The following RCAN1 variants were observed in gnomAD, a reference collection of about 807,000 sequenced individuals.
RCAN1 encodes the protein calcipressin-1.
In RCAN1, 11 loss-of-function variants were observed where a neutral mutation model predicts 22.9. The observed-to-expected ratio is 0.48, with a 90% CI of 0.30 to 0.79. The LOEUF (loss-of-function observed/expected upper bound fraction) is 0.79, where lower values mean the gene tolerates loss of function less well. Ranked by LOEUF, RCAN1 falls within the 30% of genes least tolerant of loss-of-function variation. The pLI, the probability that RCAN1 is intolerant of heterozygous loss-of-function variation, is 0.06. For synonymous variants in RCAN1, 136 were observed against 142.3 expected, an observed-to-expected ratio of 0.96 and a Z score of 0.32; for missense variants, 291 against 337.8, an observed-to-expected ratio of 0.86 and a Z score of 1.09.
chr21:34,537,718 G>A (rs552434467), intron 1 of RCAN1, among the ~76,000 whole-genome samples: 12 of 152,354 alleles, frequency 7.9e-5, no homozygotes, highest in East Asian at 1.9e-4. Context: ...GGTGCCAGGC[G>A]TACAGGCAGA....
At chr21:34,573,175 T>C (rs1018854368) in intron 1 of RCAN1, among the ~76,000 whole-genome samples, 1 of 152,172 alleles carries the variant, frequency 6.6e-6, no homozygotes, top group Non-Finnish European at 1.5e-5. Context: ...ACTGACTTGA[T>C]GTAAATGGAT....
intron 1 of RCAN1, among the ~76,000 whole-genome samples, chr21:34,555,893 C>A (rs563876268): frequency 6.6e-6 from 1 of 151,360 alleles, no homozygotes; most frequent in South Asian, 2.1e-4. Flanking sequence ...GAAACCCTGT[C>A]TCTACGAAAA....
At chr21:34,550,537 T>C (rs2284582) in intron 1 of RCAN1, among the ~76,000 whole-genome samples, 1 of 151,780 alleles carries the variant, frequency 6.6e-6, no homozygotes, top group Non-Finnish European at 1.5e-5. Context: ...GACACAGAGA[T>C]AGCATGTCAT....
chr21:34,563,794 TAGAGAGAG>T (rs60116779), intron 1 of RCAN1, among the ~76,000 whole-genome samples: 85 of 48,720 alleles, frequency 1.7e-3, no homozygotes, highest in African/African-American at 4.3e-3. Flanking sequence ...TATATATATA[TAGAGAGAG>T]AGAGAGAGAG....
chr21:34,526,276 A>G (rs2298345), intron 1 of RCAN1, among the ~76,000 whole-genome samples: 7,313 of 152,294 alleles, frequency 0.048, 210 homozygotes, highest in Middle Eastern at 0.075. Context: ...ATATCTTTAT[A>G]ACATTTATTT....
At chr21:34,558,279 C>G (rs1362815252) in intron 1 of RCAN1, among the ~76,000 whole-genome samples, 1 of 152,056 alleles carries the variant, frequency 6.6e-6, no homozygotes, top group South Asian at 2.1e-4. Flanking sequence ...AGCCCTGCAC[C>G]AACACTCTGA....
chr21:34,608,031 T>A (rs905901549), intron 1 of RCAN1, among the ~76,000 whole-genome samples: 4 of 152,234 alleles, frequency 2.6e-5, no homozygotes, highest in South Asian at 2.1e-4. Flanking sequence ...TAATGCCTGA[T>A]GATCTGTCAC....
At chr21:34,549,873 A>C (rs1986299967) in intron 1 of RCAN1, among the ~76,000 whole-genome samples, 1 of 152,156 alleles carries the variant, frequency 6.6e-6, no homozygotes, top group Non-Finnish European at 1.5e-5. Context: ...GAACCCAGAG[A>C]TGACCATGCC....
intron 1 of RCAN1, among the ~76,000 whole-genome samples, chr21:34,573,276 G>A (rs75139696): frequency 0.013 from 2,032 of 152,232 alleles, 47 homozygotes; most frequent in East Asian, 0.093. Context: ...CATGGTAATG[G>A]TGAATGGGGC....
chr21:34,597,620 A>G (rs1988204656), intron 1 of RCAN1, among the ~76,000 whole-genome samples: 1 of 152,204 alleles, frequency 6.6e-6, no homozygotes, highest in South Asian at 2.1e-4. Flanking sequence ...AAAATACCAT[A>G]TTGCCACACC....
At chr21:34,574,404 A>G (rs1987338631) in intron 1 of RCAN1, among the ~76,000 whole-genome samples, 1 of 149,848 alleles carries the variant, frequency 6.7e-6, no homozygotes, top group African/African-American at 2.4e-5. Flanking sequence ...GGGAGAAAAT[A>G]TAAATGTAGT....
intron 1 of RCAN1, among the ~76,000 whole-genome samples, chr21:34,609,875 G>A (rs1394085648): frequency 6.6e-6 from 1 of 152,170 alleles, no homozygotes; most frequent in Non-Finnish European, 1.5e-5. Flanking sequence ...GTGGAAAACT[G>A]AAAATAAACT....
intron 1 of RCAN1, among the ~76,000 whole-genome samples, chr21:34,534,967 C>A (rs775940291): frequency 1.3e-5 from 2 of 152,230 alleles, no homozygotes; most frequent in African/African-American, 2.4e-5. Flanking sequence ...TCTCCAGCAC[C>A]AACCCCATGA....
rs1482226917 is a variant in RCAN1 at position 34,614,469 on chromosome 21, G to C, written c.252+291C>G. ...GGGCGGCGGCGCTGCCCCACCTTGG[G>C]GAGCGAATTCACCCCCCTAGTCGCA... On this transcript the variant is annotated intron_variant, in intron 1 of 3. Transcript: ENST00000313806. The surrounding 1 kb of genome is among the most constrained non-coding windows in gnomAD (Gnocchi z 6.0). 1 of 1,023,410 alleles carries C rather than the reference G, an allele frequency of 9.8e-7. No homozygotes were observed. Among genetic ancestry groups the C allele is most frequent in the African/African-American group, 1.7e-5 (1 of 58,224 alleles). 63.4% of individuals were successfully genotyped at this position (1,023,410 alleles called of 1,614,324 possible).
At chr21:34,571,467 G>A (rs900214077) in intron 1 of RCAN1, among the ~76,000 whole-genome samples, 18 of 152,178 alleles carry the variant, frequency 1.2e-4, no homozygotes, top group Non-Finnish European at 2.2e-4. Context: ...GAAGTATTGT[G>A]TTAAAATATT....
chr21:34,548,531 G>C (rs1401434985), intron 1 of RCAN1, among the ~76,000 whole-genome samples: 1 of 148,378 alleles, frequency 6.7e-6, no homozygotes, highest in Non-Finnish European at 1.5e-5. Flanking sequence ...GTACTGCTGA[G>C]AATTTAAATT....
Position 34,516,735 on chromosome 21 carries a change from T to C in RCAN1, c.*1349A>G, listed in dbSNP as rs762002330. ...TGCTTCTCAAAGAATAAAACCATCT[T>C]CCAAATTTCCAAAGCATGCATTGTT... is the stretch of plus-strand genomic sequence containing the variant. On this transcript the variant is annotated 3_prime_UTR_variant, in exon 4 of 4. Coordinates refer to ENST00000313806, the MANE Select transcript of RCAN1 (RefSeq NM_004414.7). The C allele has an allele frequency of 1.3e-5, 2 of 152,242 alleles. No individual in the cohort carries two copies. Among genetic ancestry groups the C allele is most frequent in the Non-Finnish European group, 2.9e-5 (2 of 68,044 alleles). The allele number at this position is 152,242 out of a possible 1,614,324, so 9.4% of individuals were successfully genotyped here.
chr21:34,598,552 A>G (rs1424798383), intron 1 of RCAN1, among the ~76,000 whole-genome samples: 4 of 152,238 alleles, frequency 2.6e-5, no homozygotes, highest in African/African-American at 9.6e-5. Flanking sequence ...CAGTGAATTA[A>G]AAGCAAACAT....
Position 34,614,523 on chromosome 21 carries a change from C to A in RCAN1, c.252+237G>T, listed in dbSNP as rs1001558742. Reference sequence around the variant, plus strand: ...GCCTGGGCGCACACGGGGGCCGGGGCGAGCCTGTGGGACTCTGCAGTGAGC... The same window carrying A: ...GCCTGGGCGCACACGGGGGCCGGGGAGAGCCTGTGGGACTCTGCAGTGAGC... On this transcript the variant is annotated intron_variant, in intron 1 of 3. Transcript: ENST00000313806. The surrounding 1 kb of genome is among the most constrained non-coding windows in gnomAD (Gnocchi z 6.0). The A allele has an allele frequency of 6.6e-5, 69 of 1,044,962 alleles. No homozygotes were observed. Among genetic ancestry groups the A allele is most frequent in the Admixed American group, 2.2e-4 (4 of 18,460 alleles). The allele number at this position is 1,044,962 out of a possible 1,614,324, so 64.7% of individuals were successfully genotyped here.
Sources: allele counts gnomAD v4.1 joint callset (sites outside exome capture counted in the v4.1 genomes callset), GRCh38; gene constraint gnomAD v4.1.1; non-coding constraint Gnocchi (gnomAD v3.1); transcripts MANE v1.5; gene names NCBI Gene and HGNC (gene_info 2026-07-23, HGNC 2026-07-21).